CTPS2: variants seen among roughly 807,000 people sequenced by gnomAD.
The protein encoded by CTPS2 is CTP synthase II.
Under a neutral mutation model 46.8 loss-of-function variants are expected in CTPS2, and 19 were observed. The observed-to-expected ratio is 0.41, with a 90% CI of 0.28 to 0.60. The LOEUF (loss-of-function observed/expected upper bound fraction) is 0.60. Ranked by LOEUF, CTPS2 falls within the 20% of genes least tolerant of loss-of-function variation. The pLI is 0.35. For missense variants in CTPS2, 286 were observed against 447.6 expected (o/e 0.64, Z 3.26); for synonymous variants, 151 against 165.2 (o/e 0.91, Z 0.66).
intron 14 of CTPS2, among the ~76,000 whole-genome samples, chrX:16,629,176 G>A (rs1318740546): frequency 8.9e-6 from 1 of 112,575 alleles, no homozygotes; most frequent in South Asian, 3.7e-4. Flanking sequence ...GTGAAGTGAT[G>A]AGGACAAGTG....
intron 10 of CTPS2, among the ~76,000 whole-genome samples, chrX:16,673,921 T>C (rs1164935313): frequency 9.0e-6 from 1 of 111,674 alleles, no homozygotes; most frequent in African/African-American, 3.3e-5. Flanking sequence ...CCTTATCTAG[T>C]GTCCTAGGCT....
chrX:16,701,010 A>G (rs5978790), intron 2 of CTPS2, among the ~76,000 whole-genome samples: 60,668 of 110,142 alleles, frequency 0.55, 13,755 homozygotes, highest in African/African-American at 0.86. Flanking sequence ...AATCAGGAAC[A>G]TTCCAAACAA....
chrX:16,687,825 T>G (rs1479466866), intron 8 of CTPS2, among the ~76,000 whole-genome samples: 1 of 111,894 alleles, frequency 8.9e-6, no homozygotes, highest in Non-Finnish European at 1.9e-5. Context: ...ATCATTTTAA[T>G]TATGGTTACC....
intron 13 of CTPS2, among the ~76,000 whole-genome samples, chrX:16,662,939 T>A (rs920587519): frequency 1.8e-5 from 2 of 111,340 alleles, no homozygotes; most frequent in African/African-American, 6.5e-5. Context: ...GGTGCAAGGA[T>A]ATATGTACAT....
chrX:16,627,545 C>T (rs144560437), intron 14 of CTPS2, among the ~76,000 whole-genome samples: 4,080 of 111,460 alleles, frequency 0.037, 200 homozygotes, highest in African/African-American at 0.13. Flanking sequence ...TTTGATGGGG[C>T]ACATGCTTGC....
Position 16,654,552 on chromosome X carries a change from C to T in CTPS2, c.1296+12962G>A, listed in dbSNP as rs6629164. 1.7e-3 allele frequency: 1,406 copies of T among 827,045 alleles called. 19 individuals carry two copies. The East Asian group carries it at 0.037, about 22-fold the overall frequency. The allele number at this position is 827,045 out of a possible 1,213,427, so 68.2% of individuals were successfully genotyped here. On this transcript the variant is annotated intron_variant, in intron 13 of 18. Coordinates refer to ENST00000359276, the MANE Select transcript of CTPS2 (RefSeq NM_175859.3). Reference sequence around the variant, plus strand: ...AACCCTGAGCACTGGAGGAAGAGCGCCTGTGCTGTGGTCTTATCCTATGTG... The same window carrying T: ...AACCCTGAGCACTGGAGGAAGAGCGTCTGTGCTGTGGTCTTATCCTATGTG...
chrX:16,590,990 T>A (rs1196322780), intron 17 of CTPS2, 128 bp from the exon 18 acceptor site: 1 of 454,508 alleles, frequency 2.2e-6, no homozygotes, highest in Non-Finnish European at 3.7e-6. Flanking sequence ...GAATATTCTT[T>A]TAGCACTTTC....
rs1196347111 is a variant in CTPS2, at chrX:16,683,205, T to C, written c.894A>G (p.Ile298Met). The C allele has an allele frequency of 1.2e-5, 15 of 1,210,485 alleles. No individual in the cohort carries two copies. The highest frequency in any genetic ancestry group is 1.7e-5 in the Non-Finnish European group (15 of 894,437). Residue 298 changes from isoleucine (I) to methionine (M), a missense_variant, in exon 9 of 19, where the codon ATA becomes ATG. Coordinates refer to ENST00000359276, the MANE Select transcript of CTPS2 (RefSeq NM_175859.3). ...ATTTGCCAACCAGGGCTATGGAGCA[T>C]ATTTTCTGTAACCTTTCATACCTGG... ...MADRYERLQK[I>M]CSIALVGKYT...
chrX:16,706,318 G>A (rs1037079012), intron 1 of CTPS2, among the ~76,000 whole-genome samples: 4 of 109,366 alleles, frequency 3.7e-5, no homozygotes, highest in African/African-American at 1.3e-4. Flanking sequence ...AGCTACTTGC[G>A]GGGCTGAAGC....
At chrX:16,701,622 G>A (rs1348102320) in intron 2 of CTPS2, among the ~76,000 whole-genome samples, 4 of 104,893 alleles carry the variant, frequency 3.8e-5, no homozygotes, top group Non-Finnish European at 5.9e-5. Context: ...TTTTTTTTGA[G>A]ATGGAGTCTC....
chrX:16,607,686 CCA>C (rs1190128456), intron 17 of CTPS2, among the ~76,000 whole-genome samples: 2 of 112,935 alleles, frequency 1.8e-5, no homozygotes, highest in African/African-American at 6.4e-5. Flanking sequence ...CACGTGCACA[CCA>C]CACACAGATC....
rs1208183003 is a variant in CTPS2 at position 16,667,498 on chromosome X, TAAAC to T, written c.1296+12_1296+15del. Reference sequence around the variant, plus strand: ...GTGACAATGACTGGACCCAGAAAGATAAACAAGCCACTTACCAGAGGAACTGGGG... The same window carrying T: ...GTGACAATGACTGGACCCAGAAAGATAAGCCACTTACCAGAGGAACTGGGG... On this transcript the variant is annotated intron_variant, in intron 13 of 18. Transcript: ENST00000359276. 8.3e-7 allele frequency: 1 copy of T among 1,208,653 alleles called. No individual in the cohort carries two copies. Among genetic ancestry groups the T allele is most frequent in the Non-Finnish European group, 1.1e-6 (1 of 892,832 alleles).
chrX:16,590,625 G>T, intron 18 of CTPS2, 127 bp downstream of exon 18: 1 of 393,101 alleles, frequency 2.5e-6, no homozygotes, highest in Non-Finnish European at 4.4e-6. Context: ...TGCTAACTGT[G>T]CCAGTCAAAT....
intron 6 of CTPS2, among the ~76,000 whole-genome samples, chrX:16,692,431 T>C (rs6527709): frequency 0.56 from 60,322 of 108,653 alleles, 13,864 homozygotes; most frequent in African/African-American, 0.86. Flanking sequence ...CACACCACTG[T>C]ACTCCAGCCT....
At chrX:16,698,149 C>G (rs947774673) in intron 4 of CTPS2, 87 bp downstream of exon 4, 23 of 673,985 alleles carry the variant, frequency 3.4e-5, no homozygotes, top group Non-Finnish European at 5.2e-5. Context: ...CTCAGGAGGG[C>G]GTGTGTAAGT....
intron 13 of CTPS2, among the ~76,000 whole-genome samples, chrX:16,643,390 A>G (rs1395210083): frequency 9.0e-6 from 1 of 110,879 alleles, no homozygotes; most frequent in Non-Finnish European, 1.9e-5. Context: ...TCCACTTTGT[A>G]GCATCGGGGT....
At chrX:16,703,884 A>G (rs1479118887) in intron 1 of CTPS2, among the ~76,000 whole-genome samples, 1 of 110,566 alleles carries the variant, frequency 9.0e-6, no homozygotes, top group Admixed American at 9.8e-5. Context: ...TTAAGAGCTC[A>G]GACTCCAGTG....
At chrX:16,625,898 T>A (rs952146923) in intron 14 of CTPS2, among the ~76,000 whole-genome samples, 6 of 111,099 alleles carry the variant, frequency 5.4e-5, no homozygotes, top group Non-Finnish European at 1.1e-4. Context: ...TTGGGGTTTA[T>A]ATAGTACAGG....
At chrX:16,668,572 G>A (rs1000067418) in intron 11 of CTPS2, among the ~76,000 whole-genome samples, 1 of 104,072 alleles carries the variant, frequency 9.6e-6, no homozygotes, top group African/African-American at 3.5e-5. Flanking sequence ...GCGACAGAGC[G>A]AGACTCTGTC....
Sources: allele counts gnomAD v4.1 joint callset (sites outside exome capture counted in the v4.1 genomes callset), GRCh38; gene constraint gnomAD v4.1.1; transcripts MANE v1.5; gene names NCBI Gene and HGNC (gene_info 2026-07-23, HGNC 2026-07-21).